LSAMP: variants seen among roughly 807,000 people sequenced by gnomAD.
The protein encoded by LSAMP is limbic system-associated membrane protein.
In LSAMP, 7 loss-of-function variants were observed where a neutral mutation model predicts 38.6. That is an observed-to-expected ratio of 0.18 (90% CI 0.10 to 0.34). LSAMP has a LOEUF of 0.34. Among genes scored for constraint, LSAMP ranks in the 10% least tolerant of loss-of-function variants. LSAMP has a pLI of 1.00. For synonymous variants in LSAMP, 154 were observed against 166.8 expected, an observed-to-expected ratio of 0.92 and a Z score of 0.59; for missense variants, 313 against 420.0, an observed-to-expected ratio of 0.75 and a Z score of 2.23.
At chr3:116,049,450 T>A (rs953651552) in intron 2 of LSAMP, among the ~76,000 whole-genome samples, 2 of 152,218 alleles carry the variant, frequency 1.3e-5, no homozygotes, top group African/African-American at 4.8e-5. Context: ...GTTGCATCTG[T>A]CACCTGTTCC....
At chr3:116,011,147 G>C (rs1319611961) in intron 3 of LSAMP, among the ~76,000 whole-genome samples, 1 of 152,086 alleles carries the variant, frequency 6.6e-6, no homozygotes. Context: ...GGGACCACAG[G>C]CGCACGCCAC....
At chr3:116,134,275 T>C (rs1244216775) in intron 1 of LSAMP, among the ~76,000 whole-genome samples, 2 of 152,128 alleles carry the variant, frequency 1.3e-5, no homozygotes, top group Non-Finnish European at 2.9e-5. Flanking sequence ...CCTCCCTTCA[T>C]CTCCACTGAT....
chr3:116,065,974 T>C (rs1227931243), intron 2 of LSAMP, among the ~76,000 whole-genome samples: 1 of 152,254 alleles, frequency 6.6e-6, no homozygotes, highest in Non-Finnish European at 1.5e-5. Context: ...TTATAGATAA[T>C]GAATATGAGT....
chr3:116,153,701 A>G (rs1461110), intron 1 of LSAMP, among the ~76,000 whole-genome samples: 37,731 of 151,976 alleles, frequency 0.25, 4,734 homozygotes, highest in Admixed American at 0.28. Flanking sequence ...AATCTTGTAA[A>G]AAAAAATTAA....
At chr3:116,341,625 C>T (rs2107753759) in intron 1 of LSAMP, among the ~76,000 whole-genome samples, 1 of 152,022 alleles carries the variant, frequency 6.6e-6, no homozygotes, top group African/African-American at 2.4e-5. Flanking sequence ...TGAAAAAAGA[C>T]CTGGAGCTGA....
intron 1 of LSAMP, among the ~76,000 whole-genome samples, chr3:116,275,736 T>C (rs180860636): frequency 6.6e-6 from 1 of 152,302 alleles, no homozygotes; most frequent in Admixed American, 6.5e-5. Flanking sequence ...TGAGGTTGTC[T>C]ACACTCCCCT....
intron 1 of LSAMP, among the ~76,000 whole-genome samples, chr3:116,410,243 T>G (rs2048954258): frequency 6.6e-6 from 1 of 152,050 alleles, no homozygotes; most frequent in African/African-American, 2.4e-5. Context: ...ACAGAATTTT[T>G]TTTATAAGAC....
chr3:116,065,406 A>G (rs9836963), intron 2 of LSAMP, among the ~76,000 whole-genome samples: 18,227 of 152,220 alleles, frequency 0.12, 1,239 homozygotes, highest in Non-Finnish European at 0.15. Flanking sequence ...TATTTGGTTG[A>G]TATCTGTGAA....
chr3:116,346,483 C>T (rs2048066254), intron 1 of LSAMP, among the ~76,000 whole-genome samples: 1 of 152,000 alleles, frequency 6.6e-6, no homozygotes, highest in African/African-American at 2.4e-5. Flanking sequence ...CGTGCACCAC[C>T]ACACCTGGCT....
At chr3:116,198,090 G>A (rs1429082616) in intron 1 of LSAMP, among the ~76,000 whole-genome samples, 2 of 152,190 alleles carry the variant, frequency 1.3e-5, no homozygotes, top group Non-Finnish European at 2.9e-5. Flanking sequence ...ATAAAAAAAT[G>A]AGGAAAGATG....
intron 2 of LSAMP, among the ~76,000 whole-genome samples, chr3:116,079,498 C>G (rs771973387): frequency 6.6e-6 from 1 of 151,916 alleles, no homozygotes. Context: ...ACTAAAAATA[C>G]GAAAATTAGC....
intron 1 of LSAMP, among the ~76,000 whole-genome samples, chr3:116,316,160 C>T (rs557603067): frequency 5.3e-5 from 8 of 152,174 alleles, no homozygotes; most frequent in African/African-American, 1.2e-4. Flanking sequence ...AGGGCCTTGA[C>T]GATAAGTTGA....
Position 115,944,311 on chromosome 3 carries a change from C to A in LSAMP, c.514+75204G>T, listed in dbSNP as rs114340358. ...CAATTAAAGACAATCTCTTTGGATACATGCATTGTTATCAATAACATGACA... is the reference window on the plus strand; with the variant it reads ...CAATTAAAGACAATCTCTTTGGATAAATGCATTGTTATCAATAACATGACA... On this transcript the variant is annotated intron_variant, in intron 3 of 6. Coordinates refer to ENST00000490035, the MANE Select transcript of LSAMP (RefSeq NM_002338.5). Among the ~76,000 whole-genome samples the A allele has an allele frequency of 3.8e-3, 580 of 152,262 alleles. 3 individuals carry two copies. The highest frequency in any genetic ancestry group is 0.013 in the African/African-American group (535 of 41,570).
intron 1 of LSAMP, among the ~76,000 whole-genome samples, chr3:116,296,754 T>G (rs1397149410): frequency 7.2e-6 from 1 of 138,372 alleles, no homozygotes; most frequent in Non-Finnish European, 1.6e-5. Flanking sequence ...GAGGCTCTAC[T>G]CCTATGGGTA....
intron 1 of LSAMP, among the ~76,000 whole-genome samples, chr3:116,128,508 C>T (rs1254005299): frequency 3.3e-5 from 5 of 152,176 alleles, no homozygotes; most frequent in African/African-American, 9.7e-5. Flanking sequence ...ATGTCATTCA[C>T]CCTCAAAACA....
At chr3:116,226,457 C>T (rs1407247616) in intron 1 of LSAMP, among the ~76,000 whole-genome samples, 1 of 152,170 alleles carries the variant, frequency 6.6e-6, no homozygotes, top group African/African-American at 2.4e-5. Context: ...CATCTGTTTG[C>T]TCTGTTTTAT....
At chr3:116,257,078 A>G (rs1460759938) in intron 1 of LSAMP, among the ~76,000 whole-genome samples, 1 of 152,182 alleles carries the variant, frequency 6.6e-6, no homozygotes, top group East Asian at 1.9e-4. Context: ...CAAAGGAGGT[A>G]CACACTCCTC....
chr3:116,352,400 T>C (rs959603508), intron 1 of LSAMP, among the ~76,000 whole-genome samples: 2 of 152,062 alleles, frequency 1.3e-5, no homozygotes, highest in Admixed American at 6.6e-5. Flanking sequence ...GGACCTCATA[T>C]GGTCAGTAGT....
At chr3:116,022,236 TC>T (rs1940659119) in intron 2 of LSAMP, among the ~76,000 whole-genome samples, 1 of 115,212 alleles carries the variant, frequency 8.7e-6, no homozygotes, top group Non-Finnish European at 1.7e-5. Context: ...CTTATTAACT[TC>T]TTTTTTTTTT....
Sources: allele counts gnomAD v4.1 joint callset (sites outside exome capture counted in the v4.1 genomes callset), GRCh38; gene constraint gnomAD v4.1.1; transcripts MANE v1.5; gene names NCBI Gene and HGNC (gene_info 2026-07-23, HGNC 2026-07-21).